BBS9: variants seen among roughly 807,000 people sequenced by gnomAD.
The protein encoded by BBS9 is Bardet-Biedl syndrome 9, also known as protein PTHB1.
BBS9 carries 89 observed loss-of-function variants against 117.7 expected under a neutral mutation model. The ratio of observed to expected loss-of-function variants is 0.76; its 90% CI spans 0.64 to 0.90. The LOEUF is 0.90. Among genes scored for constraint, BBS9 ranks in the 40% least tolerant of loss-of-function variants. BBS9 has a pLI of 0.00. For synonymous variants in BBS9, 379 were observed against 370.9 expected, an observed-to-expected ratio of 1.02 and a Z score of -0.25; for missense variants, 982 against 1,042.2, an observed-to-expected ratio of 0.94 and a Z score of 0.80.
chr7:33,280,260 A>G (rs1801553396), intron 9 of BBS9, among the ~76,000 whole-genome samples: 2 of 152,272 alleles, frequency 1.3e-5, no homozygotes, highest in Non-Finnish European at 2.9e-5. Context: ...GGTTTGGGGT[A>G]CAGATTCTGT....
chr7:33,295,737 G>T (rs1338526024), intron 9 of BBS9, among the ~76,000 whole-genome samples: 3 of 151,936 alleles, frequency 2.0e-5, no homozygotes, highest in Admixed American at 1.3e-4. Flanking sequence ...TTTATATATT[G>T]CAATGTGATT....
chr7:33,505,850 T>C (rs186124995), intron 20 of BBS9: 2 of 586,522 alleles, frequency 3.4e-6, no homozygotes, highest in Non-Finnish European at 6.0e-6. Context: ...AATAGGTATA[T>C]AGTCAATTTT....
At chr7:33,220,435 C>T (rs995302207) in intron 5 of BBS9, among the ~76,000 whole-genome samples, 9 of 152,154 alleles carry the variant, frequency 5.9e-5, no homozygotes, top group African/African-American at 1.9e-4. Flanking sequence ...CCAGTCGACC[C>T]GCACCTGAGA....
chr7:33,367,699 G>A lies in BBS9; in HGVS notation c.1694-68G>A, dbSNP rs553926813. On this transcript the variant is annotated intron_variant, in intron 16 of 22. Coordinates refer to ENST00000242067, the MANE Select transcript of BBS9 (RefSeq NM_198428.3). ...AAAAAACACGCATCATTCAACTAAG[G>A]TTCCTATTTCAAATGTGTTCATTTT... 1.3e-3 allele frequency: 1,685 copies of A among 1,300,382 alleles called. 1 individual carries two copies. Among genetic ancestry groups the A allele is most frequent in the Non-Finnish European group, 1.8e-3 (1,571 of 894,640 alleles). The allele number at this position is 1,300,382 out of a possible 1,614,324, so 80.6% of individuals were successfully genotyped here. A position where few individuals can be genotyped will look rare whatever the true frequency, so the allele number is the denominator to read the frequency against.
chr7:33,188,232 G>T (rs1370974509), intron 5 of BBS9, among the ~76,000 whole-genome samples: 1 of 151,910 alleles, frequency 6.6e-6, no homozygotes, highest in Non-Finnish European at 1.5e-5. Flanking sequence ...TTAATCCAGA[G>T]ATTAGTAATT....
Position 33,500,688 on chromosome 7 carries a change from T to C in BBS9, c.2116-4775T>C, listed in dbSNP as rs111825781. On this transcript the variant is annotated intron_variant, in intron 19 of 22. Transcript: ENST00000242067. ...ACATGAAATATGGAGGCAGATTCAA[T>C]GGTAAGTTTAGGTGAAGAAATTGGA... Among the ~76,000 whole-genome samples the C allele has an allele frequency of 2.0e-3, 312 of 152,322 alleles. 1 individual carries two copies. The highest frequency in any genetic ancestry group is 7.1e-3 in the African/African-American group (294 of 41,574).
At chr7:33,480,381 G>C (rs564324332) in intron 19 of BBS9, among the ~76,000 whole-genome samples, 1 of 152,152 alleles carries the variant, frequency 6.6e-6, no homozygotes, top group African/African-American at 2.4e-5. Flanking sequence ...ACCATTAAAT[G>C]GGGGAGAAAG....
chr7:33,283,407 A>T (rs919492232), intron 9 of BBS9, among the ~76,000 whole-genome samples: 18 of 151,804 alleles, frequency 1.2e-4, no homozygotes, highest in Non-Finnish European at 2.1e-4. Flanking sequence ...AATTATTTGT[A>T]TATATTTGTT....
intron 19 of BBS9, among the ~76,000 whole-genome samples, chr7:33,449,107 G>A (rs114467808): frequency 3.0e-4 from 45 of 152,338 alleles, no homozygotes; most frequent in African/African-American, 1.0e-3. Flanking sequence ...GGAAGAAAGG[G>A]AGAGAAAAGG....
chr7:33,413,008 A>G (rs180739707), intron 19 of BBS9, among the ~76,000 whole-genome samples: 1 of 152,340 alleles, frequency 6.6e-6, no homozygotes, highest in East Asian at 1.9e-4. Flanking sequence ...ATGTTATGGA[A>G]CAATTGGATA....
chr7:33,560,785 A>C (rs542136253), intron 21 of BBS9, among the ~76,000 whole-genome samples: 20 of 152,308 alleles, frequency 1.3e-4, no homozygotes, highest in African/African-American at 4.8e-4. Context: ...AGCCCTCTCA[A>C]TTATGTGTTC....
intron 9 of BBS9, among the ~76,000 whole-genome samples, chr7:33,329,981 AAG>A (rs1409124731): frequency 6.6e-6 from 1 of 152,004 alleles, no homozygotes; most frequent in Non-Finnish European, 1.5e-5. Flanking sequence ...ATTGATTTAT[AAG>A]AGTTCTTTAC....
At chr7:33,524,638 C>G (rs1488592157) in intron 20 of BBS9, among the ~76,000 whole-genome samples, 1 of 152,098 alleles carries the variant, frequency 6.6e-6, no homozygotes, top group Non-Finnish European at 1.5e-5. Flanking sequence ...ATTCTTCTCT[C>G]TTTTTTTCTT....
intron 19 of BBS9, among the ~76,000 whole-genome samples, chr7:33,451,033 C>T (rs546663951): frequency 7.2e-5 from 11 of 151,894 alleles, no homozygotes; most frequent in South Asian, 2.1e-4. Context: ...GGACTACAGG[C>T]GCCCGCCACC....
In BBS9 at chr7:33,349,147, A is replaced by G. The variant is rs890978342; in HGVS notation, c.1409A>G (p.Asp470Gly). The G allele has an allele frequency of 3.1e-6, 5 of 1,612,854 alleles. No individual in the cohort carries two copies. Among genetic ancestry groups the G allele is most frequent in the Non-Finnish European group, 4.2e-6 (5 of 1,179,160 alleles). ...YVQPPLELTC[D>G]QFTFEFMTPD... is the part of the protein sequence containing the mutation. ...CAACCACCATTAGAATTGACTTGTG[A>G]TCAGTTCACCTTTGAATTTATGAGT... Residue 470 changes from aspartate (D) to glycine (G), a missense_variant, in exon 13 of 23, where the codon GAT (aspartate) becomes GGT (glycine). Physicochemically the swap from Asp to Gly is moderately conservative, Grantham distance 94. Coordinates refer to ENST00000242067, the MANE Select transcript of BBS9 (RefSeq NM_198428.3).
chr7:33,329,806 A>G (rs898681311), intron 9 of BBS9, among the ~76,000 whole-genome samples: 2 of 152,106 alleles, frequency 1.3e-5, no homozygotes, highest in African/African-American at 4.8e-5. Context: ...TCTTTTTGCT[A>G]GTTTGAGGTG....
At chr7:33,436,504 A>G (rs1245996023) in intron 19 of BBS9, among the ~76,000 whole-genome samples, 1 of 152,240 alleles carries the variant, frequency 6.6e-6, no homozygotes, top group Non-Finnish European at 1.5e-5. Flanking sequence ...TACATTATTT[A>G]TAATCTCAAA....
chr7:33,412,472 C>T (rs1208786577), intron 19 of BBS9, among the ~76,000 whole-genome samples: 1 of 152,164 alleles, frequency 6.6e-6, no homozygotes, highest in Non-Finnish European at 1.5e-5. Flanking sequence ...TTCCCTGGGA[C>T]CAGGAAATTA....
chr7:33,221,875 TG>T (rs1415989945), intron 5 of BBS9, among the ~76,000 whole-genome samples: 3 of 151,770 alleles, frequency 2.0e-5, no homozygotes, highest in African/African-American at 7.2e-5. Flanking sequence ...ATCATATATG[TG>T]ATATGAAATG....
Sources: allele counts gnomAD v4.1 joint callset (sites outside exome capture counted in the v4.1 genomes callset), GRCh38; gene constraint gnomAD v4.1.1; transcripts MANE v1.5; gene names NCBI Gene and HGNC (gene_info 2026-07-23, HGNC 2026-07-21).